Variants in USP38 observed in about 807,000 individuals in gnomAD.
The protein encoded by USP38 is ubiquitin specific peptidase 38.
A neutral mutation model predicts 94.3 loss-of-function variants in USP38; 49 were observed. The ratio of observed to expected loss-of-function variants is 0.52; its 90% confidence interval spans 0.41 to 0.66. The LOEUF (loss-of-function observed/expected upper bound fraction) is 0.66, where lower values mean the gene tolerates loss of function less well. USP38 is among the 30% of genes least tolerant of loss of function. USP38 has a pLI of 0.00. For missense variants in USP38, 1,128 were observed against 1,229.4 expected, an observed-to-expected ratio of 0.92 and a Z score of 1.23; for synonymous variants, 468 against 463.6, an observed-to-expected ratio of 1.01 and a Z score of -0.12.
Position 143,209,628 on chromosome 4 carries a change from C to T in USP38, c.1468C>T (p.His490Tyr). 2 of 1,608,962 alleles carry T rather than the reference C, an allele frequency of 1.2e-6. No individual in the cohort carries two copies. Among genetic ancestry groups the T allele is most frequent in the South Asian group, 2.2e-5 (2 of 90,804 alleles). ...GCNSLMKKLQ[H>Y]LFAFLAHTQR... ...CAATTCATTAATGAAAAAATTACAGCATCTTTTTGCCTTTCTGGCCCATAC... is the reference window on the plus strand; with the variant it reads ...CAATTCATTAATGAAAAAATTACAGTATCTTTTTGCCTTTCTGGCCCATAC... The change falls in exon 7 of 10, where the codon CAT becomes TAT. Residue 490 changes from histidine (H) to tyrosine (Y), a missense_variant. Transcript: ENST00000307017.
chr4:143,214,091 T>C lies in USP38; in HGVS notation c.2115T>C (p.Asp705=), dbSNP rs1732112799. The stretch of plus-strand genomic sequence containing the variant: ...CTAACAAGATTCTTGTTAATAAAGA[T>C]GTACCTCAGAAACCAGGAGGTGAAA... ...NESNKILVNK[D]VPQKPGGETT... Residue 705 remains aspartate (D), a synonymous_variant, in exon 9 of 10, where the codon GAT becomes GAC. Transcript: ENST00000307017. 7 of 1,613,450 alleles carry C rather than the reference T, an allele frequency of 4.3e-6. No individual in the cohort carries two copies. Among genetic ancestry groups the C allele is most frequent in the Non-Finnish European group, 5.9e-6 (7 of 1,179,790 alleles).
chr4:143,214,997 T>C, intron 9 of USP38, 54 bp downstream of exon 9: 2 of 1,499,736 alleles, frequency 1.3e-6, no homozygotes, highest in East Asian at 2.3e-5. Context: ...ATTGACACAG[T>C]TAAATGAGTA....
Position 143,220,391 on chromosome 4 carries a change from A to G in USP38, c.3064A>G (p.Ser1022Gly). 6.2e-7 allele frequency: 1 copy of G among 1,613,512 alleles called. No homozygotes were observed. Among genetic ancestry groups the G allele is most frequent in the Non-Finnish European group, 8.5e-7 (1 of 1,179,636 alleles). ...ATTTGATGACAACGACCCACCAGGA[A>G]GCTGTGGACCAACTGGTGGAGGGGG... ...NGFDDNDPPG[S>G]CGPTGGGGGG... is the part of the protein sequence containing the mutation. Residue 1022 changes from serine (S) to glycine (G), a missense_variant, in exon 10 of 10, where the codon AGC becomes GGC. Physicochemically the swap from Ser to Gly is moderately conservative, Grantham distance 56. Transcript: ENST00000307017.
At chr4:143,197,232 G>A (rs1731579624) in intron 3 of USP38, among the ~76,000 whole-genome samples, 1 of 152,160 alleles carries the variant, frequency 6.6e-6, no homozygotes, top group Non-Finnish European at 1.5e-5. Context: ...TATTTGCAAG[G>A]CTTATTCAAT....
At chr4:143,219,474 G>A (rs564468262) in intron 9 of USP38, among the ~76,000 whole-genome samples, 10 of 152,146 alleles carry the variant, frequency 6.6e-5, no homozygotes, top group African/African-American at 2.2e-4. Flanking sequence ...TAGTGTTTTC[G>A]TTATTAATGT....
chr4:143,203,706 T>G, intron 5 of USP38, 140 bp downstream of exon 5: 1 of 825,990 alleles, frequency 1.2e-6, no homozygotes, highest in African/African-American at 1.8e-5. Context: ...CAGGTTTCAT[T>G]TAGGGAGTAA....
chr4:143,218,973 T>A lies in USP38; in HGVS notation c.2968-1322T>A, dbSNP rs551052148. Among the ~76,000 whole-genome samples, 5 of 152,148 alleles carry A rather than the reference T, an allele frequency of 3.3e-5. No homozygotes were observed. In the East Asian group the frequency reaches 5.8e-4, roughly 18 times the overall value. ...TTTCAATCTGTAAAACATTTATAAT[T>A]CCTACGTTAATTTTATAGATCAAAG... On this transcript the variant is annotated intron_variant, in intron 9 of 9. Coordinates refer to ENST00000307017, the MANE Select transcript of USP38 (RefSeq NM_032557.6).
At chr4:143,219,753 C>A (rs566702008) in intron 9 of USP38, among the ~76,000 whole-genome samples, 2 of 152,066 alleles carry the variant, frequency 1.3e-5, no homozygotes, top group Non-Finnish European at 1.5e-5. Flanking sequence ...TAATAGTATT[C>A]TAATCTGAGA....
chr4:143,214,504 G>C lies in USP38; in HGVS notation c.2528G>C (p.Ser843Thr), dbSNP rs761825734. 8 of 1,613,528 alleles carry C rather than the reference G, an allele frequency of 5.0e-6. No homozygotes were observed. ...ACAAAATTGGTGCCCTATCTATTAA[G>C]TTCCGTTGTGGTTCACTCTGGTATA... is the stretch of plus-strand genomic sequence containing the variant. Reference protein sequence around the residue: ...SCTKLVPYLLSSVVVHSGISS... With the variant: ...SCTKLVPYLLTSVVVHSGISS... The change falls in exon 9 of 10, where the codon AGT (serine) becomes ACT (threonine). Residue 843 changes from serine (S) to threonine (T), a missense_variant. Physicochemically the swap from Ser to Thr is moderately conservative, Grantham distance 58 (BLOSUM62 1). Transcript: ENST00000307017.
At chr4:143,188,397 A>G (rs1000452919) in intron 2 of USP38, among the ~76,000 whole-genome samples, 15 of 151,250 alleles carry the variant, frequency 9.9e-5, no homozygotes, top group Non-Finnish European at 2.1e-4. Context: ...TTTCTTTCTC[A>G]GTTTTAAATA....
At chr4:143,217,632 T>G (rs553824122) in intron 9 of USP38, among the ~76,000 whole-genome samples, 1 of 152,172 alleles carries the variant, frequency 6.6e-6, no homozygotes, top group Non-Finnish European at 1.5e-5. Flanking sequence ...ACTCACCTTG[T>G]GATAATTTTA....
chr4:143,214,861 G>A lies in USP38; in HGVS notation c.2885G>A (p.Ser962Asn), dbSNP rs1254913162. 2 of 1,613,566 alleles carry A rather than the reference G, an allele frequency of 1.2e-6. No homozygotes were observed. The highest frequency in any genetic ancestry group is 1.3e-5 in the African/African-American group (1 of 75,014). Residue 962 changes from serine (S) to asparagine (N), a missense_variant, in exon 9 of 10, where the codon AGT becomes AAT. Ser to Asn is a conservative substitution (Grantham distance 46). Coordinates refer to ENST00000307017, the MANE Select transcript of USP38 (RefSeq NM_032557.6). The part of the protein sequence containing the change: ...TNGLSGNNPT[S>N]GLWINGDPPL... ...GGTTTAAGTGGTAATAACCCAACCA[G>A]TGGACTCTGGATAAATGGAGACCCA...
chr4:143,212,234 T>C lies in USP38; in HGVS notation c.1498-84T>C, dbSNP rs1732045437. On this transcript the variant is annotated intron_variant, in intron 7 of 9. Coordinates refer to ENST00000307017, the MANE Select transcript of USP38 (RefSeq NM_032557.6). ...CAATGTTAACTGTAAATAACCTTTA[T>C]TAAACACTGTATATTAAGATTTCAG... 1.2e-5 allele frequency: 13 copies of C among 1,105,110 alleles called. 1 individual carries two copies. The South Asian group carries it at 2.1e-4, about 18-fold the overall frequency. The allele number at this position is 1,105,110 out of a possible 1,614,324, so 68.5% of individuals were successfully genotyped here. A position where few individuals can be genotyped will look rare whatever the true frequency, so the allele number is the denominator to read the frequency against.
At chr4:143,189,165 G>A (rs538797906) in intron 2 of USP38, among the ~76,000 whole-genome samples, 1 of 152,078 alleles carries the variant, frequency 6.6e-6, no homozygotes, top group African/African-American at 2.4e-5. Flanking sequence ...TGAAGGATGT[G>A]AAGTAGCAAA....
chr4:143,209,171 GAT>G (rs1486126913), intron 6 of USP38, among the ~76,000 whole-genome samples: 73 of 152,090 alleles, frequency 4.8e-4, no homozygotes, highest in African/African-American at 1.5e-3. Flanking sequence ...AATAATATGT[GAT>G]AGCACATAGT....
chr4:143,195,676 TATTTTCAATAATG>T, intron 2 of USP38, 27 bp from the exon 3 acceptor site: 1 of 1,552,990 alleles, frequency 6.4e-7, no homozygotes, highest in Non-Finnish European at 8.7e-7. Flanking sequence ...TAAATGAAAA[TATTTTCAATAATG>T]ATTGTTTCAT....
At chr4:143,207,845 T>A (rs988413107) in intron 6 of USP38, among the ~76,000 whole-genome samples, 5 of 152,164 alleles carry the variant, frequency 3.3e-5, no homozygotes, top group Non-Finnish European at 5.9e-5. Flanking sequence ...AAAGGTTATC[T>A]CTTATTGAAC....
rs753978535 is a variant in USP38, at chr4:143,222,286, TAG to T, written c.*1833_*1834del. Reference sequence around the variant, plus strand: ...TTTAAATGATAAAATGAATTCTAGTTAGAGTCTTTCCTTGGTATCTGCAGTGG... The same window carrying T: ...TTTAAATGATAAAATGAATTCTAGTTAGTCTTTCCTTGGTATCTGCAGTGG... On this transcript the variant is annotated 3_prime_UTR_variant, in exon 10 of 10. Transcript: ENST00000307017. 1 of 152,046 alleles carries T rather than the reference TAG, an allele frequency of 6.6e-6. No homozygotes were observed. Among genetic ancestry groups the T allele is most frequent in the African/African-American group, 2.4e-5 (1 of 41,436 alleles). 9.4% of individuals were successfully genotyped at this position (152,046 alleles called of 1,614,324 possible). A position where few individuals can be genotyped will look rare whatever the true frequency, so the allele number is the denominator to read the frequency against.
rs934726735 is a variant in USP38 at position 143,221,815 on chromosome 4, A to C, written c.*1359A>C. On this transcript the variant is annotated 3_prime_UTR_variant, in exon 10 of 10. Transcript: ENST00000307017. ...ATGATTTGGGGTTTATCTTTTTCCC[A>C]AGCTTTTATGACAGTGGTTAAAAAA... is the stretch of plus-strand genomic sequence containing the variant. 1.3e-5 allele frequency: 2 copies of C among 152,106 alleles called. No individual in the cohort carries two copies. The highest frequency in any genetic ancestry group is 2.9e-5 in the Non-Finnish European group (2 of 67,962). 9.4% of individuals were successfully genotyped at this position (152,106 alleles called of 1,614,324 possible).
Sources: gnomAD v4.1 joint callset for allele counts (sites outside exome capture counted in the v4.1 genomes callset) on GRCh38, gnomAD v4.1.1 for gene constraint, MANE v1.5 for transcripts, NCBI Gene and HGNC (gene_info 2026-07-23, HGNC 2026-07-21) for gene names.